The following CSNK1G3 variants were observed in gnomAD, a reference collection of about 807,000 sequenced individuals.
CSNK1G3 encodes casein kinase I isoform gamma-3.
A neutral mutation model predicts 64.3 loss-of-function variants in CSNK1G3; 23 were observed. The ratio of observed to expected loss-of-function variants is 0.36; its 90% confidence interval spans 0.26 to 0.51. CSNK1G3 has a LOEUF of 0.51. Among genes scored for constraint, CSNK1G3 ranks in the 20% least tolerant of loss-of-function variants. The probability of loss-of-function intolerance (pLI) is 0.96; values close to 1 mark genes in which losing one functional copy is unlikely to be tolerated. For missense variants in CSNK1G3, 357 were observed against 510.5 expected, an observed-to-expected ratio of 0.70 and a Z score of 2.90; for synonymous variants, 158 against 162.2, an observed-to-expected ratio of 0.97 and a Z score of 0.20.
At chr5:123,587,099 G>A (rs1358422778) in intron 6 of CSNK1G3, among the ~76,000 whole-genome samples, 1 of 152,208 alleles carries the variant, frequency 6.6e-6, no homozygotes, top group African/African-American at 2.4e-5. Flanking sequence ...AGATTTGGGT[G>A]TGAACACAAC....
At chr5:123,526,980 A>G (rs1387264815) in intron 1 of CSNK1G3, among the ~76,000 whole-genome samples, 1 of 151,648 alleles carries the variant, frequency 6.6e-6, no homozygotes, top group Non-Finnish European at 1.5e-5. Flanking sequence ...CTGCCAAACT[A>G]TTTTTCAAAG....
chr5:123,518,460 C>A (rs558190251), intron 1 of CSNK1G3, among the ~76,000 whole-genome samples: 6 of 152,256 alleles, frequency 3.9e-5, no homozygotes, highest in African/African-American at 1.4e-4. Flanking sequence ...GGCTGTTTGT[C>A]TTCTGTGTGT....
intron 6 of CSNK1G3, among the ~76,000 whole-genome samples, chr5:123,577,370 T>C (rs1056167302): frequency 5.3e-5 from 8 of 152,212 alleles, no homozygotes; most frequent in African/African-American, 1.7e-4. Flanking sequence ...TATATGTATA[T>C]ACATACACAC....
At chr5:123,517,012 T>C (rs184838255) in intron 1 of CSNK1G3, among the ~76,000 whole-genome samples, 5 of 152,290 alleles carry the variant, frequency 3.3e-5, no homozygotes, top group Admixed American at 3.3e-4. Flanking sequence ...TCATATGAAG[T>C]GCCAAGGACT....
chr5:123,523,565 C>T (rs6886283), intron 1 of CSNK1G3, among the ~76,000 whole-genome samples: 137 of 152,206 alleles, frequency 9.0e-4, no homozygotes, highest in African/African-American at 3.1e-3. Context: ...GAAAACTGCC[C>T]TGATAGGAGA....
chr5:123,522,334 C>T (rs1180658318), intron 1 of CSNK1G3, among the ~76,000 whole-genome samples: 2 of 151,812 alleles, frequency 1.3e-5, no homozygotes, highest in African/African-American at 4.8e-5. Context: ...AATCCTGTCT[C>T]TACTAAAAAT....
intron 1 of CSNK1G3, among the ~76,000 whole-genome samples, chr5:123,543,081 C>A (rs748929485): frequency 1.6e-4 from 25 of 151,996 alleles, no homozygotes; most frequent in Non-Finnish European, 2.9e-4. Context: ...ACATTTGATG[C>A]TGCTTTACAT....
At chr5:123,573,763 A>G (rs1292182671) in intron 5 of CSNK1G3, among the ~76,000 whole-genome samples, 1 of 152,198 alleles carries the variant, frequency 6.6e-6, no homozygotes, top group Non-Finnish European at 1.5e-5. Context: ...TTTAAGATCA[A>G]AATGCTCAGT....
At chr5:123,571,622 G>A (rs1208075439) in intron 4 of CSNK1G3, among the ~76,000 whole-genome samples, 1 of 152,050 alleles carries the variant, frequency 6.6e-6, no homozygotes, top group Non-Finnish European at 1.5e-5. Context: ...AGTTTTCTTG[G>A]TTTTTAGTTC....
At chr5:123,524,241 C>G (rs1375650882) in intron 1 of CSNK1G3, among the ~76,000 whole-genome samples, 1 of 152,204 alleles carries the variant, frequency 6.6e-6, no homozygotes, top group Non-Finnish European at 1.5e-5. Flanking sequence ...GTTATTAACT[C>G]TGGTCCTGTG....
intron 12 of CSNK1G3, among the ~76,000 whole-genome samples, chr5:123,608,324 T>A (rs1384278155): frequency 6.6e-6 from 1 of 152,164 alleles, no homozygotes; most frequent in Non-Finnish European, 1.5e-5. Context: ...AATACTTGAT[T>A]TCCAAATGAT....
intron 4 of CSNK1G3, among the ~76,000 whole-genome samples, chr5:123,565,131 A>T (rs1018850223): frequency 1.2e-4 from 18 of 152,222 alleles, no homozygotes; most frequent in African/African-American, 4.3e-4. Context: ...GAAAAGTAAC[A>T]TTGTTCTACA....
At chr5:123,534,420 AC>A (rs1401155074) in intron 1 of CSNK1G3, among the ~76,000 whole-genome samples, 1 of 152,108 alleles carries the variant, frequency 6.6e-6, no homozygotes, top group Admixed American at 6.6e-5. Flanking sequence ...GGAGCAGGAT[AC>A]AAAGCTTGGG....
At chr5:123,535,634 A>T (rs1158718020) in intron 1 of CSNK1G3, among the ~76,000 whole-genome samples, 1 of 152,196 alleles carries the variant, frequency 6.6e-6, no homozygotes, top group Non-Finnish European at 1.5e-5. Flanking sequence ...GGAATAAAAT[A>T]GGAAATGGCT....
intron 4 of CSNK1G3, among the ~76,000 whole-genome samples, chr5:123,567,133 A>G (rs1044685583): frequency 6.6e-6 from 1 of 152,208 alleles, no homozygotes; most frequent in Non-Finnish European, 1.5e-5. Context: ...TAAAGCCATC[A>G]GATCTTTTGA....
At chr5:123,540,594 A>G (rs908345646) in intron 1 of CSNK1G3, among the ~76,000 whole-genome samples, 1 of 151,114 alleles carries the variant, frequency 6.6e-6, no homozygotes, top group Non-Finnish European at 1.5e-5. Context: ...AAATTTTGGG[A>G]CTCTTCTAGA....
intron 6 of CSNK1G3, among the ~76,000 whole-genome samples, chr5:123,581,894 A>G (rs1790377154): frequency 6.6e-6 from 1 of 151,874 alleles, no homozygotes; most frequent in Admixed American, 6.6e-5. Flanking sequence ...ATAAGAAATG[A>G]TTTAAACTTT....
intron 12 of CSNK1G3, 33 bp downstream of exon 13, chr5:123,605,395 T>C: frequency 6.2e-7 from 1 of 1,606,342 alleles, no homozygotes; most frequent in Non-Finnish European, 8.5e-7. Context: ...CAGAAATAGC[T>C]CCATTGACTG....
intron 1 of CSNK1G3, among the ~76,000 whole-genome samples, chr5:123,514,681 C>T (rs1401743797): frequency 6.7e-6 from 1 of 148,486 alleles, no homozygotes; most frequent in Admixed American, 6.9e-5. Context: ...TGGGCCTTAA[C>T]ATAGTTTAAT....
Sources: allele counts gnomAD v4.1 joint callset (sites outside exome capture counted in the v4.1 genomes callset), GRCh38; gene constraint gnomAD v4.1.1; transcripts MANE v1.5; gene names NCBI Gene and HGNC (gene_info 2026-07-23, HGNC 2026-07-21).